Variants in CSMD1 observed in about 807,000 individuals in gnomAD.
CSMD1 encodes CUB and Sushi multiple domains 1, also known as CUB and sushi domain-containing protein 1.
A neutral mutation model predicts 417.5 loss-of-function variants in CSMD1; 213 were observed. The observed-to-expected ratio is 0.51, with a 90% CI of 0.46 to 0.57. The LOEUF is 0.57. Among genes scored for constraint, CSMD1 ranks in the 20% least tolerant of loss-of-function variants. CSMD1 has a pLI of 0.00. For missense variants in CSMD1, 6,923 were observed against 4,529.7 expected, an observed-to-expected ratio of 1.53 and a Z score of -15.17; for synonymous variants, 2,862 against 1,736.8, an observed-to-expected ratio of 1.65 and a Z score of -16.11.
rs943556802 is a variant in CSMD1, at chr8:3,351,444, C to G, written c.3305-3283G>C. On this transcript the variant is annotated intron_variant, in intron 21 of 69. Coordinates refer to ENST00000635120, the MANE Select transcript of CSMD1 (RefSeq NM_033225.6). Reference sequence around the variant, plus strand: ...TGGCCAACATGGTGAAATCCCGTCTCTACTAAAAATACAAAAATTAGCTAG... The same window carrying G: ...TGGCCAACATGGTGAAATCCCGTCTGTACTAAAAATACAAAAATTAGCTAG... Among the ~76,000 whole-genome samples the G allele has an allele frequency of 2.6e-5, 4 of 151,706 alleles. No individual in the cohort carries two copies. The South Asian group carries it at 8.3e-4, about 32-fold the overall frequency.
intron 1 of CSMD1, among the ~76,000 whole-genome samples, chr8:4,772,103 G>C (rs1447771127): frequency 1.3e-5 from 2 of 152,126 alleles, no homozygotes; most frequent in African/African-American, 2.4e-5. Context: ...ACGGGGAATA[G>C]GCTTCCAGGG....
intron 8 of CSMD1, among the ~76,000 whole-genome samples, chr8:3,597,364 C>A (rs926964996): frequency 2.3e-5 from 3 of 130,812 alleles, no homozygotes; most frequent in Admixed American, 8.1e-5. Context: ...TCTCGCTTCA[C>A]TGGAATTAAA....
At chr8:3,502,751 G>C (rs1796659389) in intron 10 of CSMD1, among the ~76,000 whole-genome samples, 1 of 152,180 alleles carries the variant, frequency 6.6e-6, no homozygotes, top group African/African-American at 2.4e-5. Flanking sequence ...TTTTAGGACA[G>C]TGAAACTCTC....
intron 3 of CSMD1, among the ~76,000 whole-genome samples, chr8:4,286,240 G>T (rs540630555): frequency 1.1e-4 from 16 of 152,088 alleles, no homozygotes; most frequent in African/African-American, 3.9e-4. Context: ...GCTCCATTGC[G>T]TCTCTCCGCC....
intron 1 of CSMD1, among the ~76,000 whole-genome samples, chr8:4,729,317 G>T (rs1387244963): frequency 3.3e-5 from 5 of 152,192 alleles, no homozygotes; most frequent in African/African-American, 1.2e-4. Context: ...CCACACAAAG[G>T]TGTTTTGTTG....
chr8:3,087,785 C>A (rs1290896322), intron 48 of CSMD1, among the ~76,000 whole-genome samples: 2 of 152,208 alleles, frequency 1.3e-5, no homozygotes, highest in African/African-American at 4.8e-5. Context: ...TTTTGAATGA[C>A]CTCACTCACC....
At chr8:3,914,046 G>A (rs188967080) in intron 5 of CSMD1, among the ~76,000 whole-genome samples, 1 of 152,048 alleles carries the variant, frequency 6.6e-6, no homozygotes, top group Admixed American at 6.6e-5. Context: ...TAAAGAAAAA[G>A]TAATATTAAG....
intron 5 of CSMD1, among the ~76,000 whole-genome samples, chr8:3,837,296 C>G (rs1308946153): frequency 6.6e-6 from 1 of 152,106 alleles, no homozygotes; most frequent in Non-Finnish European, 1.5e-5. Flanking sequence ...TCTTCAACAA[C>G]AGAAGAAAAT....
chr8:4,631,843 A>T (rs1042511078), intron 2 of CSMD1, among the ~76,000 whole-genome samples: 2 of 152,174 alleles, frequency 1.3e-5, no homozygotes, highest in Non-Finnish European at 2.9e-5. Flanking sequence ...CTCGAGATAA[A>T]TGCCAAAGCT....
At position 4,064,185 on chromosome 8, in the gene CSMD1, A is replaced by G. The variant is rs1585235122; in HGVS notation, c.416-32086T>C. 2.6e-5 allele frequency among the ~76,000 whole-genome samples: 4 copies of G among 152,344 alleles called. 1 individual carries two copies. The highest frequency in any genetic ancestry group is 9.6e-5 in the African/African-American group (4 of 41,578). On this transcript the variant is annotated intron_variant, in intron 3 of 69. Transcript: ENST00000635120. ...ACTATGAAAAGTGCAAACTAAAGAC[A>G]TTAGGAGCTTTCACCATGGCTCAGA... is the stretch of plus-strand genomic sequence containing the variant.
At chr8:4,075,393 C>T (rs1460913661) in intron 3 of CSMD1, among the ~76,000 whole-genome samples, 1 of 151,864 alleles carries the variant, frequency 6.6e-6, no homozygotes, top group African/African-American at 2.4e-5. Flanking sequence ...ACAGAAAAAA[C>T]TCAAATGTTA....
chr8:3,880,117 C>T (rs556197539), intron 5 of CSMD1, among the ~76,000 whole-genome samples: 1 of 151,958 alleles, frequency 6.6e-6, no homozygotes, highest in African/African-American at 2.4e-5. Context: ...CATTTACTGT[C>T]ACAAGTTTCT....
At chr8:4,798,931 G>A (rs1055314065) in intron 1 of CSMD1, among the ~76,000 whole-genome samples, 13 of 152,158 alleles carry the variant, frequency 8.5e-5, no homozygotes, top group African/African-American at 3.1e-4. Context: ...GTTTGCATCG[G>A]CCATTCTTGA....
chr8:3,938,052 T>G (rs2554621), intron 5 of CSMD1, among the ~76,000 whole-genome samples: 59,815 of 151,988 alleles, frequency 0.39, 11,923 homozygotes, highest in East Asian at 0.48. Context: ...CTAATTGACT[T>G]CCAACAATAT....
chr8:4,039,129 G>A (rs1052141184), intron 3 of CSMD1, among the ~76,000 whole-genome samples: 6 of 152,120 alleles, frequency 3.9e-5, no homozygotes, highest in East Asian at 1.9e-4. Flanking sequence ...TCAAAGCAAC[G>A]GCAGCATTTT....
intron 6 of CSMD1, among the ~76,000 whole-genome samples, chr8:3,709,228 T>A (rs879239984): frequency 6.6e-6 from 1 of 151,934 alleles, no homozygotes; most frequent in African/African-American, 2.4e-5. Flanking sequence ...AATGTTATGA[T>A]CTTCTAAGCT....
intron 2 of CSMD1, among the ~76,000 whole-genome samples, chr8:4,550,491 C>T (rs1039921789): frequency 6.6e-6 from 1 of 152,046 alleles, no homozygotes; most frequent in Non-Finnish European, 1.5e-5. Flanking sequence ...TCAGCTTATT[C>T]TCTATCTTTA....
intron 3 of CSMD1, among the ~76,000 whole-genome samples, chr8:4,293,735 T>C (rs1325506102): frequency 1.3e-5 from 2 of 152,236 alleles, no homozygotes; most frequent in African/African-American, 2.4e-5. Context: ...TTTAGACATA[T>C]TAAAGCACAG....
At chr8:3,757,910 AGAT>A (rs369764942) in intron 5 of CSMD1, among the ~76,000 whole-genome samples, 430 of 152,258 alleles carry the variant, frequency 2.8e-3, no homozygotes, top group African/African-American at 9.9e-3. Flanking sequence ...GAAGATAAAC[AGAT>A]GATGCATAGC....
Sources: gnomAD v4.1 joint callset for allele counts (sites outside exome capture counted in the v4.1 genomes callset) on GRCh38, gnomAD v4.1.1 for gene constraint, MANE v1.5 for transcripts, NCBI Gene and HGNC (gene_info 2026-07-23, HGNC 2026-07-21) for gene names.